GRID2: variants seen among roughly 807,000 people sequenced by gnomAD.
GRID2 encodes glutamate receptor ionotropic, delta-2.
GRID2 carries 33 observed loss-of-function variants against 114.8 expected under a neutral mutation model. That is an observed-to-expected ratio of 0.29 (90% confidence interval 0.22 to 0.38). The LOEUF is 0.38. GRID2 is among the 10% of genes least tolerant of loss of function. The probability of loss-of-function intolerance (pLI) is 1.00; values close to 1 mark genes in which losing one functional copy is unlikely to be tolerated. For synonymous variants in GRID2, 505 were observed against 449.9 expected, an observed-to-expected ratio of 1.12 and a Z score of -1.55; for missense variants, 1,184 against 1,257.7, an observed-to-expected ratio of 0.94 and a Z score of 0.89.
At chr4:92,746,458 T>C (rs1479319179) in intron 2 of GRID2, among the ~76,000 whole-genome samples, 2 of 152,110 alleles carry the variant, frequency 1.3e-5, no homozygotes, top group Non-Finnish European at 2.9e-5. Flanking sequence ...AGATGTTTAG[T>C]GGCTATTGTG....
intron 9 of GRID2, among the ~76,000 whole-genome samples, chr4:93,405,645 A>G (rs1056219097): frequency 2.6e-5 from 4 of 152,212 alleles, no homozygotes; most frequent in African/African-American, 9.6e-5. Context: ...AATCAAATCA[A>G]TATTTGGTTA....
intron 1 of GRID2, among the ~76,000 whole-genome samples, chr4:92,472,198 G>A (rs1722078796): frequency 1.6e-5 from 1 of 60,956 alleles, no homozygotes; most frequent in African/African-American, 9.7e-5. Context: ...CTCCCAAAGT[G>A]CTGGGATTAC....
chr4:93,171,340 C>T (rs1738800614), intron 4 of GRID2, among the ~76,000 whole-genome samples: 1 of 152,148 alleles, frequency 6.6e-6, no homozygotes. Flanking sequence ...CTCCCTCACT[C>T]TCTCCAACTC....
intron 12 of GRID2, among the ~76,000 whole-genome samples, chr4:93,493,812 A>G (rs1560678755): frequency 6.6e-6 from 1 of 151,812 alleles, no homozygotes; most frequent in Admixed American, 6.6e-5. Context: ...GTGTAGTTCT[A>G]CTGCCCAAAG....
At chr4:92,634,641 G>T (rs1730973663) in intron 2 of GRID2, among the ~76,000 whole-genome samples, 1 of 151,656 alleles carries the variant, frequency 6.6e-6, no homozygotes, top group Admixed American at 6.6e-5. Context: ...GACAGAAAAT[G>T]AAAGCAGTCA....
intron 3 of GRID2, among the ~76,000 whole-genome samples, chr4:93,088,246 G>A (rs1219588161): frequency 6.6e-6 from 1 of 152,084 alleles, no homozygotes; most frequent in Non-Finnish European, 1.5e-5. Context: ...TGAAAAAAAT[G>A]TGGAAACTTT....
chr4:92,836,105 T>G (rs1742437995), intron 2 of GRID2, among the ~76,000 whole-genome samples: 1 of 152,170 alleles, frequency 6.6e-6, no homozygotes. Context: ...ACAGAGCTAC[T>G]GCCATTTATT....
At chr4:93,325,997 A>G (rs1757795234) in intron 8 of GRID2, among the ~76,000 whole-genome samples, 1 of 152,152 alleles carries the variant, frequency 6.6e-6, no homozygotes, top group Non-Finnish European at 1.5e-5. Flanking sequence ...GGGTAATCTT[A>G]AAACTTCTTT....
chr4:93,452,077 G>T (rs1722744026), intron 10 of GRID2, among the ~76,000 whole-genome samples: 1 of 152,110 alleles, frequency 6.6e-6, no homozygotes, highest in African/African-American at 2.4e-5. Flanking sequence ...GAACACAGAT[G>T]GAATTGCCTA....
chr4:92,650,295 A>AC (rs142683513), intron 2 of GRID2, among the ~76,000 whole-genome samples: 3,687 of 152,120 alleles, frequency 0.024, 156 homozygotes, highest in African/African-American at 0.084. Flanking sequence ...TTTGCCTTCA[A>AC]CAATCACTTC....
chr4:93,259,102 G>A (rs1311277112), intron 8 of GRID2, among the ~76,000 whole-genome samples: 1 of 151,754 alleles, frequency 6.6e-6, no homozygotes, highest in African/African-American at 2.4e-5. Context: ...AGTTGATCTT[G>A]GTGACATTCT....
intron 1 of GRID2, among the ~76,000 whole-genome samples, chr4:92,318,581 C>T (rs1321321981): frequency 7.2e-6 from 1 of 139,526 alleles, no homozygotes; most frequent in Non-Finnish European, 1.5e-5. Flanking sequence ...GTGGCACGCT[C>T]ATGGCTTACT....
chr4:92,848,480 G>C (rs2149419223), intron 2 of GRID2, among the ~76,000 whole-genome samples: 1 of 151,978 alleles, frequency 6.6e-6, no homozygotes, highest in Middle Eastern at 3.4e-3. Context: ...TATGGGGTGA[G>C]AGAAATGGAA....
chr4:92,599,930 C>A (rs9985670), intron 2 of GRID2, among the ~76,000 whole-genome samples: 5,794 of 150,558 alleles, frequency 0.038, 359 homozygotes, highest in African/African-American at 0.13. Flanking sequence ...GAGGCTCAGG[C>A]AGTAGAATCG....
intron 8 of GRID2, among the ~76,000 whole-genome samples, chr4:93,320,315 A>G (rs1349912729): frequency 6.6e-6 from 1 of 152,132 alleles, no homozygotes; most frequent in Non-Finnish European, 1.5e-5. Flanking sequence ...AGAGAGTCAT[A>G]AAAGATAAGG....
At chr4:92,886,135 C>A (rs1261706005) in intron 2 of GRID2, among the ~76,000 whole-genome samples, 2 of 151,974 alleles carry the variant, frequency 1.3e-5, no homozygotes, top group Admixed American at 1.3e-4. Flanking sequence ...CCTCAAGAGG[C>A]CTATTTCCTG....
chr4:93,304,704 T>A (rs1755238966), intron 8 of GRID2, among the ~76,000 whole-genome samples: 1 of 151,966 alleles, frequency 6.6e-6, no homozygotes, highest in Non-Finnish European at 1.5e-5. Context: ...GAAAAAAAAA[T>A]TAAACTAAAA....
chr4:92,736,883 A>G (rs1357099892), intron 2 of GRID2, among the ~76,000 whole-genome samples: 1 of 152,082 alleles, frequency 6.6e-6, no homozygotes, highest in African/African-American at 2.4e-5. Flanking sequence ...ACTCAGAAAG[A>G]ATTCTAAAAT....
chr4:92,414,239 G>C (rs919758200), intron 1 of GRID2, among the ~76,000 whole-genome samples: 2 of 152,130 alleles, frequency 1.3e-5, no homozygotes, highest in Non-Finnish European at 2.9e-5. Flanking sequence ...TTCTCTTACA[G>C]TGAGAAGAGA....
Sources: allele counts gnomAD v4.1 joint callset (sites outside exome capture counted in the v4.1 genomes callset), GRCh38; gene constraint gnomAD v4.1.1; transcripts MANE v1.5; gene names NCBI Gene and HGNC (gene_info 2026-07-23, HGNC 2026-07-21).